The following PDE11A variants were observed in gnomAD, a reference collection of about 807,000 sequenced individuals.
PDE11A encodes phosphodiesterase 11A, also known as dual 3',5'-cyclic-AMP and -GMP phosphodiesterase 11A.
PDE11A carries 100 observed loss-of-function variants against 100.5 expected under a neutral mutation model. That is an observed-to-expected ratio of 1.00 (90% CI 0.85 to 1.18). The LOEUF (loss-of-function observed/expected upper bound fraction) is 1.18, where lower values mean the gene tolerates loss of function less well. Ranked by LOEUF, PDE11A falls within the 50% of genes most tolerant of loss-of-function variation. The pLI, the probability that PDE11A is intolerant of heterozygous loss-of-function variation, is 0.00. For synonymous variants in PDE11A, 381 were observed against 420.8 expected (o/e 0.91, Z 1.16); for missense variants, 1,141 against 1,152.6 (o/e 0.99, Z 0.15).
rs766878037 is a variant in PDE11A, at chr2:177,820,223, T to C, written c.1573A>G (p.Ile525Val). The C allele has an allele frequency of 6.7e-6, 10 of 1,501,930 alleles. No individual in the cohort carries two copies. Among genetic ancestry groups the C allele is most frequent in the Non-Finnish European group, 8.3e-6 (9 of 1,078,278 alleles). The allele number at this position is 1,501,930 out of a possible 1,614,324, so 93.0% of individuals were successfully genotyped here. ...AACTATTTAGGTCATCTCTTACCAA[T>C]TATTTGGTGGTTGCTATTCCAAATA... is the stretch of plus-strand genomic sequence containing the variant. ...VPIWNSNHQI[I>V]GVAQVLNRLD... Residue 525 changes from isoleucine (I) to valine (V), a missense_variant, in exon 7 of 20, where the codon ATT becomes GTT. Transcript: ENST00000286063.
chr2:177,946,703 G>A (rs1478933696), intron 2 of PDE11A, among the ~76,000 whole-genome samples: 2 of 75,966 alleles, frequency 2.6e-5, no homozygotes, highest in Admixed American at 1.3e-4. Context: ...TCAGCCCCCC[G>A]CCCGGCCAGC....
rs547605736 is a variant in PDE11A, at chr2:177,732,449, G to C, written c.1789-4277C>G. ...TTTCTGGTCTCAGGAGAGAAGTTTA[G>C]TTCTGAATTGGCAAAGGAGGCTGAA... On this transcript the variant is annotated intron_variant, in intron 10 of 19. Coordinates refer to ENST00000286063, the MANE Select transcript of PDE11A (RefSeq NM_016953.4). Among the ~76,000 whole-genome samples, 4 of 152,334 alleles carry C rather than the reference G, an allele frequency of 2.6e-5. No individual in the cohort carries two copies. In the South Asian group the frequency reaches 8.3e-4, roughly 32 times the overall value.
intron 2 of PDE11A, 133 bp downstream of exon 2, chr2:178,014,169 C>A: frequency 5.8e-6 from 4 of 686,388 alleles, no homozygotes; most frequent in African/African-American, 1.8e-5. Context: ...ATTTTGTATA[C>A]CATGAGAAAA....
intron 19 of PDE11A, among the ~76,000 whole-genome samples, chr2:177,648,069 A>G (rs1225978803): frequency 1.3e-5 from 2 of 152,152 alleles, no homozygotes; most frequent in African/African-American, 4.8e-5. Context: ...CTATGATAGC[A>G]CCACTGTACT....
At chr2:177,722,630 T>A (rs2081547376) in intron 12 of PDE11A, among the ~76,000 whole-genome samples, 1 of 152,204 alleles carries the variant, frequency 6.6e-6, no homozygotes, top group African/African-American at 2.4e-5. Flanking sequence ...GTCTTAAATG[T>A]AATTTAAACA....
At chr2:177,834,718 C>A (rs2083365199) in intron 6 of PDE11A, among the ~76,000 whole-genome samples, 1 of 152,224 alleles carries the variant, frequency 6.6e-6, no homozygotes, top group African/African-American at 2.4e-5. Flanking sequence ...AAACCCATTG[C>A]ATAAGAATAA....
intron 2 of PDE11A, among the ~76,000 whole-genome samples, chr2:178,096,047 G>C (rs13410412): frequency 0.015 from 2,339 of 152,220 alleles, 56 homozygotes; most frequent in African/African-American, 0.053. Flanking sequence ...ACATGCCCTG[G>C]AGACATTTTC....
chr2:178,017,361 TACA>T (rs893661313), intron 1 of PDE11A, among the ~76,000 whole-genome samples: 1 of 152,228 alleles, frequency 6.6e-6, no homozygotes, highest in Non-Finnish European at 1.5e-5. Flanking sequence ...TAGTGTATTA[TACA>T]ACAATTTAAA....
At chr2:177,738,584 T>C (rs1238361952) in intron 10 of PDE11A, among the ~76,000 whole-genome samples, 1 of 152,240 alleles carries the variant, frequency 6.6e-6, no homozygotes, top group Non-Finnish European at 1.5e-5. Context: ...CTCTGTATAC[T>C]GCTTCTTAAC....
chr2:178,105,486 T>C (rs187026125), intron 1 of PDE11A, among the ~76,000 whole-genome samples: 1 of 151,242 alleles, frequency 6.6e-6, no homozygotes, highest in East Asian at 1.9e-4. Context: ...ACAAAAACCT[T>C]ACTGTATGAT....
At chr2:177,956,105 C>T (rs1016846614) in intron 2 of PDE11A, among the ~76,000 whole-genome samples, 10 of 151,960 alleles carry the variant, frequency 6.6e-5, no homozygotes, top group African/African-American at 2.4e-4. Context: ...AAGAAACTAC[C>T]ATCAGAGTGA....
chr2:177,882,392 A>G (rs1382674996), intron 4 of PDE11A, among the ~76,000 whole-genome samples: 1 of 152,224 alleles, frequency 6.6e-6, no homozygotes, highest in Non-Finnish European at 1.5e-5. Context: ...TATGACCAAT[A>G]CCAAATAGGT....
intron 19 of PDE11A, among the ~76,000 whole-genome samples, chr2:177,657,074 A>G (rs967224220): frequency 6.6e-6 from 1 of 152,236 alleles, no homozygotes; most frequent in Non-Finnish European, 1.5e-5. Flanking sequence ...TTTTAAAAAA[A>G]CATCATTTTG....
intron 5 of PDE11A, among the ~76,000 whole-genome samples, chr2:177,859,798 A>G (rs148418634): frequency 2.1e-3 from 326 of 152,162 alleles, no homozygotes; most frequent in Non-Finnish European, 4.1e-3. Context: ...ATAGAATTAG[A>G]AAGAATAACC....
intron 2 of PDE11A, among the ~76,000 whole-genome samples, chr2:177,977,361 C>T (rs1010611881): frequency 1.4e-5 from 2 of 147,572 alleles, no homozygotes; most frequent in African/African-American, 5.0e-5. Flanking sequence ...GAATAAAATA[C>T]CTAGGAATCC....
At chr2:178,061,268 A>G (rs2086965929) in intron 1 of PDE11A, among the ~76,000 whole-genome samples, 1 of 151,920 alleles carries the variant, frequency 6.6e-6, no homozygotes, top group Admixed American at 6.6e-5. Context: ...CTACCAGGGG[A>G]TATTTGACAA....
chr2:178,051,752 A>T (rs2086830472), intron 1 of PDE11A, among the ~76,000 whole-genome samples: 1 of 152,192 alleles, frequency 6.6e-6, no homozygotes, highest in Admixed American at 6.5e-5. Flanking sequence ...AACAAAGATC[A>T]GAAGAGACAA....
At chr2:177,941,435 A>G (rs1403878528) in intron 2 of PDE11A, among the ~76,000 whole-genome samples, 3 of 151,882 alleles carry the variant, frequency 2.0e-5, no homozygotes, top group Non-Finnish European at 2.9e-5. Context: ...CAGCATGGCA[A>G]TTTTTCCTGG....
At chr2:178,001,933 T>C (rs896299037) in intron 2 of PDE11A, among the ~76,000 whole-genome samples, 3 of 152,178 alleles carry the variant, frequency 2.0e-5, no homozygotes, top group Non-Finnish European at 4.4e-5. Context: ...ACTTTTATTT[T>C]AGATTTGAGT....
Sources: gnomAD v4.1 joint callset for allele counts (sites outside exome capture counted in the v4.1 genomes callset) on GRCh38, gnomAD v4.1.1 for gene constraint, MANE v1.5 for transcripts, NCBI Gene and HGNC (gene_info 2026-07-23, HGNC 2026-07-21) for gene names.